NEK11: variants seen among roughly 807,000 people sequenced by gnomAD.
NEK11 encodes the protein NIMA related kinase 11.
A neutral mutation model predicts 80.7 loss-of-function variants in NEK11; 72 were observed. The ratio of observed to expected loss-of-function variants is 0.89; its 90% confidence interval spans 0.74 to 1.08. The LOEUF (loss-of-function observed/expected upper bound fraction) is 1.08. Among genes scored for constraint, NEK11 ranks in the 50% least tolerant of loss-of-function variants. The pLI, the probability that NEK11 is intolerant of heterozygous loss-of-function variation, is 0.00. For missense variants in NEK11, 764 were observed against 763.6 expected, an observed-to-expected ratio of 1.00 and a Z score of -0.01; for synonymous variants, 251 against 260.7, an observed-to-expected ratio of 0.96 and a Z score of 0.36.
At chr3:131,090,164 G>A (rs4682651) in intron 4 of NEK11, among the ~76,000 whole-genome samples, 140,331 of 152,268 alleles carry the variant, frequency 0.92, 65,212 homozygotes, top group African/African-American at 0.95. Context: ...TGATAATAAC[G>A]ATCAAAGGTG....
intron 3 of NEK11, among the ~76,000 whole-genome samples, chr3:131,070,524 G>A (rs762773772): frequency 6.6e-6 from 1 of 152,124 alleles, no homozygotes; most frequent in Non-Finnish European, 1.5e-5. Flanking sequence ...CCTAGCTTCC[G>A]TGAGATTTCT....
intron 17 of NEK11, among the ~76,000 whole-genome samples, chr3:131,288,322 G>T (rs181895762): frequency 0.011 from 1,660 of 152,160 alleles, 14 homozygotes; most frequent in Non-Finnish European, 0.017. Flanking sequence ...TGAGTAGCAG[G>T]TTTGTTTTTA....
chr3:131,183,071 C>T (rs2093436897), intron 14 of NEK11, among the ~76,000 whole-genome samples: 1 of 152,096 alleles, frequency 6.6e-6, no homozygotes, highest in Non-Finnish European at 1.5e-5. Context: ...TGAACAGGAC[C>T]AACCTTTGTG....
intron 5 of NEK11, among the ~76,000 whole-genome samples, chr3:131,115,325 A>G (rs1371671704): frequency 6.6e-6 from 1 of 152,166 alleles, no homozygotes; most frequent in African/African-American, 2.4e-5. Context: ...TAGCTTGTAG[A>G]CAGCAGATTG....
At position 131,204,256 on chromosome 3, in the gene NEK11, AC is replaced by A. The variant is rs77262305; in HGVS notation, c.1400-24269del. Among the ~76,000 whole-genome samples the A allele has an allele frequency of 3.7e-3, 563 of 152,134 alleles. 23 individuals carry two copies. The East Asian group carries it at 0.092, about 25-fold the overall frequency. ...CTCCATGCCACTTCCTCCATGCCTT[AC>A]CCTATGCATTTCTTTATCTGTATCC... On this transcript the variant is annotated intron_variant, in intron 14 of 17. Transcript: ENST00000383366.
chr3:131,262,984 GA>G (rs1367612690), intron 16 of NEK11, among the ~76,000 whole-genome samples: 1 of 152,100 alleles, frequency 6.6e-6, no homozygotes, highest in African/African-American at 2.4e-5. Context: ...CCCTGCAGAG[GA>G]AATGAACTCA....
chr3:131,264,256 C>A (rs930181539), intron 16 of NEK11, among the ~76,000 whole-genome samples: 7 of 152,168 alleles, frequency 4.6e-5, no homozygotes. Context: ...GTTGCCATTG[C>A]TTTTGGTGTT....
chr3:131,223,432 A>G (rs1216893437), intron 14 of NEK11, among the ~76,000 whole-genome samples: 1 of 151,920 alleles, frequency 6.6e-6, no homozygotes, highest in Non-Finnish European at 1.5e-5. Context: ...TAGGTAGGAG[A>G]GGGAAAGGGA....
chr3:131,276,044 T>TG (rs1283664473), intron 17 of NEK11, among the ~76,000 whole-genome samples: 2 of 152,150 alleles, frequency 1.3e-5, no homozygotes, highest in Admixed American at 1.3e-4. Context: ...GCCTTCACCT[T>TG]GGCCTTCACA....
intron 17 of NEK11, among the ~76,000 whole-genome samples, chr3:131,308,649 G>C (rs185303123): frequency 2.0e-5 from 3 of 152,072 alleles, no homozygotes; most frequent in Non-Finnish European, 4.4e-5. Context: ...TCTGAACTAG[G>C]ATAATCTATT....
At chr3:131,080,630 G>T (rs2075113963) in intron 4 of NEK11, 42 bp downstream of exon 4, 1 of 1,548,714 alleles carries the variant, frequency 6.5e-7, no homozygotes, top group African/African-American at 1.4e-5. Flanking sequence ...ATAAAAACTT[G>T]CTGAATGGTA....
At chr3:131,287,283 G>T (rs1259200161) in intron 17 of NEK11, among the ~76,000 whole-genome samples, 1 of 152,126 alleles carries the variant, frequency 6.6e-6, no homozygotes, top group Non-Finnish European at 1.5e-5. Flanking sequence ...TTGTTTGTTT[G>T]TTTGTTTTCA....
At chr3:131,308,772 A>G (rs2096747902) in intron 17 of NEK11, among the ~76,000 whole-genome samples, 2 of 152,048 alleles carry the variant, frequency 1.3e-5, no homozygotes, top group South Asian at 4.1e-4. Context: ...CCTGTGCATC[A>G]TCTAACGCAG....
chr3:131,244,646 A>T (rs1289454394), intron 16 of NEK11, among the ~76,000 whole-genome samples: 4 of 152,026 alleles, frequency 2.6e-5, no homozygotes, highest in Non-Finnish European at 4.4e-5. Flanking sequence ...TTGTGGTCGA[A>T]GGTGGTGGCT....
chr3:131,056,838 C>G (rs1264600017), intron 3 of NEK11, among the ~76,000 whole-genome samples: 1 of 151,804 alleles, frequency 6.6e-6, no homozygotes, highest in African/African-American at 2.4e-5. Context: ...GATGCAGCCA[C>G]AGGGGCAAGC....
At chr3:131,082,300 T>G (rs1168413870) in intron 4 of NEK11, among the ~76,000 whole-genome samples, 1 of 152,258 alleles carries the variant, frequency 6.6e-6, no homozygotes, top group Non-Finnish European at 1.5e-5. Context: ...TATTTCTTCT[T>G]TAGCCTCCTT....
intron 17 of NEK11, among the ~76,000 whole-genome samples, chr3:131,292,311 T>C (rs1034303705): frequency 6.6e-6 from 1 of 152,228 alleles, no homozygotes; most frequent in Non-Finnish European, 1.5e-5. Flanking sequence ...TACATTGTCT[T>C]GATCACTGTA....
chr3:131,271,003 G>C (rs2096173992), intron 16 of NEK11, among the ~76,000 whole-genome samples: 1 of 152,136 alleles, frequency 6.6e-6, no homozygotes, highest in Non-Finnish European at 1.5e-5. Flanking sequence ...GCAACCAACA[G>C]GAATATGAAA....
At position 131,163,554 on chromosome 3, in the gene NEK11, G is replaced by A. The variant is rs150103465; in HGVS notation, c.1082+1027G>A. 8.1e-3 allele frequency among the ~76,000 whole-genome samples: 1,235 copies of A among 152,166 alleles called. 22 individuals carry two copies. The highest frequency in any genetic ancestry group is 0.028 in the African/African-American group (1,168 of 41,518). On this transcript the variant is annotated intron_variant, in intron 11 of 17. Transcript: ENST00000383366. ...ATCTTAAAAAGTTAAATTCACAAAA[G>A]GGGAGAGTAGAATGGGGTTACTAGG...
Sources: allele counts gnomAD v4.1 joint callset (sites outside exome capture counted in the v4.1 genomes callset), GRCh38; gene constraint gnomAD v4.1.1; transcripts MANE v1.5; gene names NCBI Gene and HGNC (gene_info 2026-07-23, HGNC 2026-07-21).